ASIC2: variants seen among roughly 807,000 people sequenced by gnomAD.
ASIC2 encodes acid sensing ion channel subunit 2.
In ASIC2, 25 loss-of-function variants were observed where a neutral mutation model predicts 57.3. That is an observed-to-expected ratio of 0.44 (90% CI 0.32 to 0.61). The LOEUF is 0.61. Ranked by LOEUF, ASIC2 falls within the 20% of genes least tolerant of loss-of-function variation. The pLI is 0.06. For missense variants in ASIC2, 641 were observed against 738.1 expected, an observed-to-expected ratio of 0.87 and a Z score of 1.52; for synonymous variants, 319 against 307.5, an observed-to-expected ratio of 1.04 and a Z score of -0.39.
intron 1 of ASIC2, among the ~76,000 whole-genome samples, chr17:33,612,219 C>T (rs138511044): frequency 2.0e-5 from 3 of 152,328 alleles, no homozygotes; most frequent in African/African-American, 7.2e-5. Context: ...GAAACACCCT[C>T]ACAGACACAC....
At chr17:33,880,294 T>C (rs953461387) in intron 1 of ASIC2, among the ~76,000 whole-genome samples, 2 of 151,926 alleles carry the variant, frequency 1.3e-5, no homozygotes, top group Non-Finnish European at 2.9e-5. Context: ...AAAAAACCCT[T>C]CAAAAAATCA....
chr17:33,697,629 C>T (rs1908567161), intron 1 of ASIC2, among the ~76,000 whole-genome samples: 1 of 152,174 alleles, frequency 6.6e-6, no homozygotes, highest in African/African-American at 2.4e-5. Flanking sequence ...CACCTTTCTC[C>T]CAACCATGGC....
intron 1 of ASIC2, among the ~76,000 whole-genome samples, chr17:33,203,405 A>T (rs543896712): frequency 6.6e-6 from 1 of 152,316 alleles, no homozygotes; most frequent in East Asian, 1.9e-4. Context: ...TGGAGGACTG[A>T]CTGGAGCCCT....
intron 1 of ASIC2, among the ~76,000 whole-genome samples, chr17:33,920,281 T>G (rs1029718733): frequency 1.3e-5 from 2 of 152,116 alleles, no homozygotes; most frequent in African/African-American, 2.4e-5. Context: ...GCACTATTCA[T>G]AATAGCAAAG....
chr17:33,248,781 T>C (rs1207633065), intron 1 of ASIC2, among the ~76,000 whole-genome samples: 2 of 152,238 alleles, frequency 1.3e-5, no homozygotes, highest in Non-Finnish European at 2.9e-5. Context: ...CTGCTGCTGA[T>C]AGAAACATTC....
chr17:33,484,706 T>C (rs1201882976), intron 1 of ASIC2, among the ~76,000 whole-genome samples: 1 of 152,130 alleles, frequency 6.6e-6, no homozygotes, highest in Non-Finnish European at 1.5e-5. Flanking sequence ...CCGGACCAAA[T>C]TGAGGACTAG....
chr17:33,856,479 G>A (rs1229171561), intron 1 of ASIC2, among the ~76,000 whole-genome samples: 30 of 152,116 alleles, frequency 2.0e-4, no homozygotes, highest in African/African-American at 4.1e-4. Flanking sequence ...TAGTGGTGGT[G>A]GTGGCAGTAG....
At chr17:33,861,280 T>C (rs1363958609) in intron 1 of ASIC2, among the ~76,000 whole-genome samples, 2 of 152,176 alleles carry the variant, frequency 1.3e-5, no homozygotes, top group South Asian at 2.1e-4. Context: ...ATATTTAAGG[T>C]ACAATATTAA....
At chr17:33,240,721 C>T (rs555890971) in intron 1 of ASIC2, among the ~76,000 whole-genome samples, 2 of 152,180 alleles carry the variant, frequency 1.3e-5, no homozygotes, top group African/African-American at 4.8e-5. Context: ...GGGTGGGTCT[C>T]CCATCTCCCA....
chr17:33,786,626 T>A (rs1253449273), intron 1 of ASIC2, among the ~76,000 whole-genome samples: 4 of 152,204 alleles, frequency 2.6e-5, no homozygotes, highest in Non-Finnish European at 5.9e-5. Context: ...TTTTCCCTTT[T>A]TACTGCAGTC....
At chr17:33,896,505 G>C (rs1915101242) in intron 1 of ASIC2, among the ~76,000 whole-genome samples, 1 of 147,694 alleles carries the variant, frequency 6.8e-6, no homozygotes, top group Admixed American at 6.7e-5. Context: ...CTGTGCAATG[G>C]ACAAAGAAAT....
chr17:33,541,724 G>C (rs1267915026), intron 1 of ASIC2, among the ~76,000 whole-genome samples: 1 of 152,148 alleles, frequency 6.6e-6, no homozygotes, highest in Non-Finnish European at 1.5e-5. Context: ...CCTACTCCCA[G>C]AGACTCTAAT....
intron 1 of ASIC2, among the ~76,000 whole-genome samples, chr17:34,149,623 A>G (rs113612067): frequency 6.6e-6 from 1 of 152,250 alleles, no homozygotes; most frequent in African/African-American, 2.4e-5. Context: ...ATGAGTGAAG[A>G]CATCAGGCCT....
At position 33,289,652 on chromosome 17, in the gene ASIC2, C is replaced by T. The variant is rs187765195; in HGVS notation, c.708+1756G>A. On this transcript the variant is annotated intron_variant, in intron 1 of 9. Coordinates refer to ENST00000225823, the MANE Select transcript of ASIC2 (RefSeq NM_183377.2). ...CTTGCTGGCTCTGAGCATTGGACAG[C>T]TTTTTAGAGCTTCATTTTTCTTATT... Among the ~76,000 whole-genome samples the T allele has an allele frequency of 9.8e-5, 15 of 152,288 alleles. No individual in the cohort carries two copies. In the East Asian group the frequency reaches 2.3e-3, roughly 23 times the overall value.
At chr17:33,589,032 T>C (rs1904740296) in intron 1 of ASIC2, among the ~76,000 whole-genome samples, 1 of 152,216 alleles carries the variant, frequency 6.6e-6, no homozygotes, top group Admixed American at 6.5e-5. Context: ...TAATATCTAT[T>C]TCATTACTTA....
At chr17:33,831,649 T>G (rs1913117024) in intron 1 of ASIC2, among the ~76,000 whole-genome samples, 1 of 151,822 alleles carries the variant, frequency 6.6e-6, no homozygotes, top group Non-Finnish European at 1.5e-5. Flanking sequence ...CTGATTTGAT[T>G]TGGGAACTGT....
chr17:33,885,140 T>C (rs1914798885), intron 1 of ASIC2, among the ~76,000 whole-genome samples: 1 of 152,206 alleles, frequency 6.6e-6, no homozygotes, highest in Non-Finnish European at 1.5e-5. Context: ...AGGTTGTGCA[T>C]GGCTGGTAGC....
At chr17:33,089,195 A>C (rs372000165) in intron 2 of ASIC2, among the ~76,000 whole-genome samples, 16 of 152,316 alleles carry the variant, frequency 1.1e-4, no homozygotes, top group African/African-American at 3.8e-4. Context: ...TGATTGAGTT[A>C]AAGTTCTTGA....
chr17:34,149,962 CA>C (rs1426250059), intron 1 of ASIC2, among the ~76,000 whole-genome samples: 2 of 152,098 alleles, frequency 1.3e-5, no homozygotes, highest in Non-Finnish European at 2.9e-5. Flanking sequence ...GCACTAGTCA[CA>C]AAAGCCAAGA....
Sources: gnomAD v4.1 joint callset for allele counts (sites outside exome capture counted in the v4.1 genomes callset) on GRCh38, gnomAD v4.1.1 for gene constraint, MANE v1.5 for transcripts, NCBI Gene and HGNC (gene_info 2026-07-23, HGNC 2026-07-21) for gene names.